Variants in SCGB1D1 observed in about 807,000 individuals in gnomAD.
The protein encoded by SCGB1D1 is secretoglobin family 1D member 1, also known as lipophilin A (uteroglobin family member).
Under a neutral mutation model 8.3 loss-of-function variants are expected in SCGB1D1, and 10 were observed. The ratio of observed to expected loss-of-function variants is 1.21; its 90% CI spans 0.74 to 2.05. The LOEUF is 2.05. Ranked by LOEUF, SCGB1D1 falls within the 30% of genes most tolerant of loss-of-function variation. The pLI, the probability that SCGB1D1 is intolerant of heterozygous loss-of-function variation, is 0.00. For synonymous variants in SCGB1D1, 46 were observed against 41.7 expected (o/e 1.10, Z -0.39); for missense variants, 94 against 105.1 (o/e 0.89, Z 0.46).
intron 1 of SCGB1D1, 78 bp from the exon 2 acceptor site, chr11:62,191,978 G>C (rs1299183064): frequency 1.5e-6 from 2 of 1,311,920 alleles, no homozygotes; most frequent in Admixed American, 2.5e-5. Context: ...TGGGGTTCCT[G>C]TCTGGTCTGA....
In SCGB1D1 at chr11:62,192,263, T is replaced by G; in HGVS notation, c.243+20T>G. On this transcript the variant is annotated intron_variant, in intron 2 of 2. Coordinates refer to ENST00000306238, the MANE Select transcript of SCGB1D1 (RefSeq NM_006552.2). ...ACATTGGTAATTTCTGTCTCTTTCA[T>G]GTGTCCAGGCTTCTGGTCAGCGGCA... 3 of 1,596,532 alleles carry G rather than the reference T, an allele frequency of 1.9e-6. No individual in the cohort carries two copies. The South Asian group carries it at 3.3e-5, about 18-fold the overall frequency.
At chr11:62,191,404 A>G (rs1944677079) in intron 1 of SCGB1D1, among the ~76,000 whole-genome samples, 1 of 152,202 alleles carries the variant, frequency 6.6e-6, no homozygotes, top group Non-Finnish European at 1.5e-5. Context: ...ATCCTCTCCA[A>G]ATATTCTAGA....
chr11:62,192,728 C>G (rs147054472), intron 2 of SCGB1D1, among the ~76,000 whole-genome samples: 112 of 152,336 alleles, frequency 7.4e-4, no homozygotes, highest in African/African-American at 2.4e-3. Flanking sequence ...GCAGCTTCTG[C>G]AGAACCAGGA....
chr11:62,191,030 C>A (rs1484134759), intron 1 of SCGB1D1, among the ~76,000 whole-genome samples: 4 of 152,158 alleles, frequency 2.6e-5, no homozygotes, highest in Non-Finnish European at 5.9e-5. Flanking sequence ...AGAAATACTA[C>A]AATGGTTAGC....
rs377082018 is a variant in SCGB1D1 at position 62,193,515 on chromosome 11, G to T, written c.*87G>T. ...CAGAATGTAAAGGTTTCAACGTCTT[G>T]CTCTAATAAATCACTTGCCCTGAAC... On this transcript the variant is annotated 3_prime_UTR_variant, in exon 3 of 3. Transcript: ENST00000306238. 3 of 1,184,772 alleles carry T rather than the reference G, an allele frequency of 2.5e-6. No individual in the cohort carries two copies. Among genetic ancestry groups the T allele is most frequent in the African/African-American group, 3.1e-5 (2 of 65,352 alleles). The allele number at this position is 1,184,772 out of a possible 1,614,324, so 73.4% of individuals were successfully genotyped here.
chr11:62,190,661 G>A (rs775296351), intron 1 of SCGB1D1, among the ~76,000 whole-genome samples: 3 of 152,102 alleles, frequency 2.0e-5, no homozygotes, highest in Non-Finnish European at 4.4e-5. Context: ...CCCTTTCACC[G>A]TGGGCAAGAT....
chr11:62,191,600 A>C (rs532529580), intron 1 of SCGB1D1, among the ~76,000 whole-genome samples: 56 of 152,214 alleles, frequency 3.7e-4, no homozygotes, highest in Admixed American at 1.7e-3. Flanking sequence ...CAATAATTTT[A>C]ACTTCTTCTG....
Position 62,191,919 on chromosome 11 carries a change from G to A in SCGB1D1, c.56-137G>A, listed in dbSNP as rs1944680649. 1.1e-5 allele frequency: 8 copies of A among 715,078 alleles called. No individual in the cohort carries two copies. The Admixed American group carries it at 2.4e-4, about 21-fold the overall frequency. The allele number at this position is 715,078 out of a possible 1,614,324, so 44.3% of individuals were successfully genotyped here. The stretch of plus-strand genomic sequence containing the variant: ...GACCTCAAGGAAGTCACAACCTCCT[G>A]GGTCTGACATTGTCATTGGCATAGT... On this transcript the variant is annotated intron_variant, in intron 1 of 2. Coordinates refer to ENST00000306238, the MANE Select transcript of SCGB1D1 (RefSeq NM_006552.2).
Position 62,193,445 on chromosome 11 carries a change from A to G in SCGB1D1, c.*17A>G, listed in dbSNP as rs375732265. The stretch of plus-strand genomic sequence containing the variant: ...GATCGCTGAGATGTAAAAAGTTTTT[A>G]ATGCTAGTTTCCACCATCTTTCAAT... On this transcript the variant is annotated 3_prime_UTR_variant, in exon 3 of 3. Coordinates refer to ENST00000306238, the MANE Select transcript of SCGB1D1 (RefSeq NM_006552.2). 7 of 1,605,636 alleles carry G rather than the reference A, an allele frequency of 4.4e-6. No individual in the cohort carries two copies. The African/African-American group carries it at 8.0e-5, about 18-fold the overall frequency.
At chr11:62,191,256 A>G (rs116649188) in intron 1 of SCGB1D1, among the ~76,000 whole-genome samples, 2,186 of 152,146 alleles carry the variant, frequency 0.014, 42 homozygotes, top group African/African-American at 0.049. Flanking sequence ...CATGTTGAGC[A>G]TGGTGGGGCG....
At chr11:62,191,093 A>G (rs554016895) in intron 1 of SCGB1D1, among the ~76,000 whole-genome samples, 9 of 152,098 alleles carry the variant, frequency 5.9e-5, no homozygotes, top group African/African-American at 2.2e-4. Context: ...TCCCCAGTTC[A>G]TTTGGGTACT....
intron 1 of SCGB1D1, among the ~76,000 whole-genome samples, chr11:62,191,715 AATAAAGTGT>A (rs1944679223): frequency 6.6e-6 from 1 of 152,234 alleles, no homozygotes; most frequent in Admixed American, 6.5e-5. Flanking sequence ...GTCCAAGACT[AATAAAGTGT>A]CACTTAACTG....
chr11:62,192,339 G>A, intron 2 of SCGB1D1, 96 bp downstream of exon 2: 3 of 1,112,582 alleles, frequency 2.7e-6, no homozygotes, highest in South Asian at 1.6e-5. Context: ...GACACAGGTG[G>A]TGGGGCACCT....
chr11:62,190,458 C>G (rs1944670144), intron 1 of SCGB1D1, 119 bp downstream of exon 1: 3 of 1,227,828 alleles, frequency 2.4e-6, no homozygotes, highest in Non-Finnish European at 3.5e-6. Context: ...CAAACCTTAT[C>G]CTGTGCTTGT....
At chr11:62,192,629 T>C (rs1208504835) in intron 2 of SCGB1D1, among the ~76,000 whole-genome samples, 1 of 151,704 alleles carries the variant, frequency 6.6e-6, no homozygotes, top group African/African-American at 2.4e-5. Context: ...TACTGGGGAG[T>C]GTGGGAGCCT....
intron 1 of SCGB1D1, among the ~76,000 whole-genome samples, chr11:62,191,078 A>AT (rs1006102883): frequency 6.6e-6 from 1 of 152,074 alleles, no homozygotes; most frequent in African/African-American, 2.4e-5. Flanking sequence ...ATTCTGGCTG[A>AT]TTTTTCCCCA....
chr11:62,191,266 G>T (rs78653656), intron 1 of SCGB1D1, among the ~76,000 whole-genome samples: 2 of 152,044 alleles, frequency 1.3e-5, no homozygotes, highest in East Asian at 1.9e-4. Context: ...ATGGTGGGGC[G>T]CTTTCTGGAT....
At chr11:62,191,842 A>G (rs927135955) in intron 1 of SCGB1D1, among the ~76,000 whole-genome samples, 1 of 152,212 alleles carries the variant, frequency 6.6e-6, no homozygotes, top group Non-Finnish European at 1.5e-5. Flanking sequence ...CAAAGACTGA[A>G]TGAGTGATCA....
intron 2 of SCGB1D1, 113 bp downstream of exon 2, chr11:62,192,356 C>A: frequency 1.1e-6 from 1 of 893,022 alleles, no homozygotes; most frequent in Non-Finnish European, 1.7e-6. Context: ...ACCTGCCTTA[C>A]TGGTCACCGC....
Sources: gnomAD v4.1 joint callset for allele counts (sites outside exome capture counted in the v4.1 genomes callset) on GRCh38, gnomAD v4.1.1 for gene constraint, MANE v1.5 for transcripts, NCBI Gene and HGNC (gene_info 2026-07-23, HGNC 2026-07-21) for gene names.